The following CACHD1 variants were observed in gnomAD, a reference collection of about 807,000 sequenced individuals.
The protein encoded by CACHD1 is cache domain containing 1.
In CACHD1, 71 loss-of-function variants were observed where a neutral mutation model predicts 138.7. The observed-to-expected ratio is 0.51, with a 90% confidence interval of 0.42 to 0.62. The LOEUF (loss-of-function observed/expected upper bound fraction) is 0.62. Among genes scored for constraint, CACHD1 ranks in the 20% least tolerant of loss-of-function variants. The probability of loss-of-function intolerance (pLI) is 0.00; values close to 1 mark genes in which losing one functional copy is unlikely to be tolerated. For synonymous variants in CACHD1, 578 were observed against 591.5 expected (o/e 0.98, Z 0.33); for missense variants, 1,389 against 1,625.3 (o/e 0.85, Z 2.50).
At chr1:64,609,532 C>T (rs918339707) in intron 4 of CACHD1, among the ~76,000 whole-genome samples, 1 of 152,102 alleles carries the variant, frequency 6.6e-6, no homozygotes, top group African/African-American at 2.4e-5. Context: ...TACCTGCTTC[C>T]CCCTTCAAAC....
At chr1:64,625,315 C>T (rs192210039) in intron 4 of CACHD1, among the ~76,000 whole-genome samples, 96 of 152,016 alleles carry the variant, frequency 6.3e-4, no homozygotes, top group African/African-American at 1.8e-3. Flanking sequence ...GGGTGGGAGG[C>T]GGAGTGAGGG....
intron 3 of CACHD1, among the ~76,000 whole-genome samples, chr1:64,600,444 A>G (rs1296773762): frequency 6.6e-6 from 1 of 152,168 alleles, no homozygotes; most frequent in Admixed American, 6.5e-5. Context: ...TGAAGTAGCT[A>G]GACTTTTAGT....
At chr1:64,481,333 G>A (rs768085374) in intron 1 of CACHD1, among the ~76,000 whole-genome samples, 4 of 151,946 alleles carry the variant, frequency 2.6e-5, no homozygotes, top group African/African-American at 4.8e-5. Flanking sequence ...ATTTTTGCAT[G>A]GAGTATTTTT....
chr1:64,483,593 C>T (rs1429563809), intron 1 of CACHD1, among the ~76,000 whole-genome samples: 1 of 149,674 alleles, frequency 6.7e-6, no homozygotes, highest in Non-Finnish European at 1.5e-5. Flanking sequence ...TTGGTAATCC[C>T]AGCACTTTGG....
chr1:64,505,721 T>G (rs1041307089), intron 1 of CACHD1, among the ~76,000 whole-genome samples: 2 of 6,032 alleles, frequency 3.3e-4, no homozygotes, highest in Non-Finnish European at 7.9e-4. Flanking sequence ...CCGCCGCCCC[T>G]CCCCCTCTTG....
intron 2 of CACHD1, among the ~76,000 whole-genome samples, chr1:64,571,180 C>G (rs1352707517): frequency 6.6e-6 from 1 of 152,190 alleles, no homozygotes; most frequent in Non-Finnish European, 1.5e-5. Context: ...ATACTCAAGG[C>G]CAGTCTTTAA....
intron 10 of CACHD1, among the ~76,000 whole-genome samples, chr1:64,652,572 T>C (rs1187488278): frequency 9.9e-5 from 15 of 152,120 alleles, no homozygotes; most frequent in Admixed American, 9.8e-4. Flanking sequence ...ACACATAGAA[T>C]GTCATCCTTT....
intron 3 of CACHD1, among the ~76,000 whole-genome samples, chr1:64,582,531 T>A (rs1268475518): frequency 6.6e-6 from 1 of 152,190 alleles, no homozygotes; most frequent in Non-Finnish European, 1.5e-5. Context: ...CTTTTTCTCC[T>A]GATGAAATGC....
intron 3 of CACHD1, among the ~76,000 whole-genome samples, chr1:64,594,522 G>A (rs1024445326): frequency 6.6e-6 from 1 of 152,162 alleles, no homozygotes; most frequent in African/African-American, 2.4e-5. Flanking sequence ...TTGTGTGTGT[G>A]CATTAGGTAG....
intron 1 of CACHD1, among the ~76,000 whole-genome samples, chr1:64,476,989 A>C (rs1646177513): frequency 6.6e-6 from 1 of 152,230 alleles, no homozygotes; most frequent in Admixed American, 6.5e-5. Flanking sequence ...GAATTTATTG[A>C]AAGTCAAAAT....
intron 1 of CACHD1, among the ~76,000 whole-genome samples, chr1:64,514,999 T>C (rs1255528824): frequency 6.6e-6 from 1 of 152,230 alleles, no homozygotes; most frequent in Non-Finnish European, 1.5e-5. Flanking sequence ...TGACTATGTG[T>C]AATCTCTAAA....
At chr1:64,581,341 A>G (rs1321782846) in intron 2 of CACHD1, among the ~76,000 whole-genome samples, 4 of 152,228 alleles carry the variant, frequency 2.6e-5, no homozygotes, top group Non-Finnish European at 4.4e-5. Context: ...CCAATTAGCT[A>G]TAATTCTATC....
At chr1:64,584,502 C>G (rs2100543273) in intron 3 of CACHD1, among the ~76,000 whole-genome samples, 1 of 152,284 alleles carries the variant, frequency 6.6e-6, no homozygotes, top group Non-Finnish European at 1.5e-5. Context: ...TTTCAAGGAG[C>G]AACTCAACAA....
intron 21 of CACHD1, 94 bp downstream of exon 21, chr1:64,676,077 T>C: frequency 2.1e-6 from 1 of 475,356 alleles, no homozygotes; most frequent in Non-Finnish European, 3.2e-6. Context: ...AGATTTGTTT[T>C]GAGTTAGGGC....
chr1:64,540,816 C>G (rs1378330268), intron 1 of CACHD1, among the ~76,000 whole-genome samples: 2 of 152,152 alleles, frequency 1.3e-5, no homozygotes, highest in Non-Finnish European at 2.9e-5. Context: ...AATAGGCAGC[C>G]CTTTGTAAAG....
chr1:64,577,368 ATAAAG>A (rs1199511555), intron 2 of CACHD1, among the ~76,000 whole-genome samples: 1 of 152,344 alleles, frequency 6.6e-6, no homozygotes, highest in African/African-American at 2.4e-5. Flanking sequence ...AATTCTTATT[ATAAAG>A]TAATGAGACT....
intron 12 of CACHD1, among the ~76,000 whole-genome samples, chr1:64,655,506 G>A (rs758543933): frequency 1.5e-4 from 23 of 152,058 alleles, no homozygotes; most frequent in Non-Finnish European, 2.8e-4. Flanking sequence ...AGACATGAAA[G>A]CATAAGTACC....
chr1:64,677,133 C>T (rs1381372081), intron 22 of CACHD1, 122 bp downstream of exon 22: 1 of 747,322 alleles, frequency 1.3e-6, no homozygotes, highest in Non-Finnish European at 2.2e-6. Context: ...AGCCTTTACC[C>T]ACCAGATTAA....
At chr1:64,596,702 GA>G (rs1342935778) in intron 3 of CACHD1, among the ~76,000 whole-genome samples, 1 of 152,160 alleles carries the variant, frequency 6.6e-6, no homozygotes, top group Non-Finnish European at 1.5e-5. Flanking sequence ...GCTTTCAGAA[GA>G]AATGATTTTT....
Sources: gnomAD v4.1 joint callset for allele counts (sites outside exome capture counted in the v4.1 genomes callset) on GRCh38, gnomAD v4.1.1 for gene constraint, MANE v1.5 for transcripts, NCBI Gene and HGNC (gene_info 2026-07-23, HGNC 2026-07-21) for gene names.